BANP: variants seen among roughly 807,000 people sequenced by gnomAD.
BANP encodes the protein protein BANP.
BANP carries 11 observed loss-of-function variants against 68.1 expected under a neutral mutation model. That is an observed-to-expected ratio of 0.16 (90% confidence interval 0.10 to 0.27). The LOEUF is 0.27. BANP is among the 10% of genes least tolerant of loss of function. The pLI is 1.00. For synonymous variants in BANP, 329 were observed against 303.2 expected (o/e 1.09, Z -0.88); for missense variants, 504 against 722.7 (o/e 0.70, Z 3.47).
intron 1 of BANP, chr16:87,956,749 C>T (rs2058124938): frequency 6.6e-6 from 1 of 152,036 alleles, no homozygotes; most frequent in African/African-American, 2.4e-5. Flanking sequence ...GTGGGCTCGC[C>T]TGGGACTCCC....
rs113874398 is a variant in BANP, at chr16:87,962,860, G to A, written c.-69+11345G>A. 4.3e-3 allele frequency among the ~76,000 whole-genome samples: 649 copies of A among 152,182 alleles called. 5 individuals are homozygous for A. The highest frequency in any genetic ancestry group is 0.014 in the African/African-American group (585 of 41,506). On this transcript the variant is annotated intron_variant, in intron 1 of 13. Transcript: ENST00000682872. ...GTACGTTCCACTTCAGACTGATTTC[G>A]GGCAAAAGAAGTAGGCTGAGACTTC... is the stretch of plus-strand genomic sequence containing the variant.
chr16:87,988,752 C>T (rs908179312), intron 4 of BANP, among the ~76,000 whole-genome samples: 34 of 152,240 alleles, frequency 2.2e-4, no homozygotes, highest in Middle Eastern at 3.4e-3. Context: ...TGAGTTGTGA[C>T]GAGGCCCCCG....
At chr16:88,027,308 T>C (rs1367421844) in intron 7 of BANP, among the ~76,000 whole-genome samples, 175 bp from the exon 8 acceptor site, 1 of 152,174 alleles carries the variant, frequency 6.6e-6, no homozygotes, top group African/African-American at 2.4e-5. Context: ...GTGGGCCAGC[T>C]AAGCACCTTC....
chr16:88,027,126 G>T (rs549381341), intron 7 of BANP, among the ~76,000 whole-genome samples: 50 of 152,384 alleles, frequency 3.3e-4, no homozygotes, highest in African/African-American at 1.2e-3. Context: ...GTGCTGCTGT[G>T]AGCTCAGGGC....
chr16:88,040,934 G>A (rs1371840141), intron 11 of BANP, among the ~76,000 whole-genome samples: 2 of 152,220 alleles, frequency 1.3e-5, no homozygotes, highest in African/African-American at 4.8e-5. Context: ...TGTCATTTAG[G>A]AATGGTTATG....
chr16:88,069,721 C>T (rs376846309), intron 12 of BANP, among the ~76,000 whole-genome samples: 9 of 152,224 alleles, frequency 5.9e-5, no homozygotes, highest in African/African-American at 1.2e-4. Flanking sequence ...TGTCAATGCA[C>T]GCACTTCACA....
chr16:87,962,454 C>T (rs910686944), intron 1 of BANP, among the ~76,000 whole-genome samples: 1 of 152,038 alleles, frequency 6.6e-6, no homozygotes, highest in Non-Finnish European at 1.5e-5. Flanking sequence ...TGTACAGGTG[C>T]AAGCTCTTCA....
intron 11 of BANP, among the ~76,000 whole-genome samples, chr16:88,052,239 C>G (rs775607544): frequency 6.6e-6 from 1 of 152,164 alleles, no homozygotes; most frequent in South Asian, 2.1e-4. Flanking sequence ...CTGGCATATC[C>G]ACGTCATCCT....
chr16:88,048,076 G>GCCA (rs2082410769), intron 11 of BANP, among the ~76,000 whole-genome samples: 1 of 152,202 alleles, frequency 6.6e-6, no homozygotes, highest in Non-Finnish European at 1.5e-5. Flanking sequence ...TGACTTGTGT[G>GCCA]GCTTCCGCAG....
chr16:88,034,818 C>A (rs1013994655), intron 9 of BANP, among the ~76,000 whole-genome samples: 6 of 152,326 alleles, frequency 3.9e-5, no homozygotes, highest in East Asian at 3.9e-4. Flanking sequence ...AGCAGCCCCC[C>A]CTTACCCATG....
intron 1 of BANP, among the ~76,000 whole-genome samples, chr16:87,963,023 G>A (rs1046569459): frequency 6.6e-6 from 1 of 152,108 alleles, no homozygotes; most frequent in South Asian, 2.1e-4. Flanking sequence ...CAGTTTCCTC[G>A]TTTCGGGAGA....
rs140595438 is a variant in BANP at position 88,025,336 on chromosome 16, C to T, written c.896-2147C>T. The stretch of plus-strand genomic sequence containing the variant: ...GTTCCCCCATGACCACAGCCAGCGG[C>T]TGGGTTCCTCTGTGAGTCACTAAAG... On this transcript the variant is annotated intron_variant, in intron 7 of 13. Coordinates refer to ENST00000682872, the MANE Select transcript of BANP (RefSeq NM_001386991.1). 4.3e-3 allele frequency among the ~76,000 whole-genome samples: 662 copies of T among 152,360 alleles called. 5 individuals are homozygous for T. The highest frequency in any genetic ancestry group is 0.014 in the African/African-American group (598 of 41,584).
At chr16:87,996,339 G>A (rs1294866172) in intron 4 of BANP, among the ~76,000 whole-genome samples, 1 of 152,216 alleles carries the variant, frequency 6.6e-6, no homozygotes, top group African/African-American at 2.4e-5. Context: ...GAGGGTTCTC[G>A]GGTTCTGCTC....
intron 4 of BANP, among the ~76,000 whole-genome samples, chr16:87,984,852 G>C (rs2063996171): frequency 1.3e-5 from 2 of 152,204 alleles, no homozygotes; most frequent in African/African-American, 2.4e-5. Flanking sequence ...GCAGGCTCTG[G>C]TGTCGCTAGC....
At chr16:87,989,967 G>A (rs1298489602) in intron 4 of BANP, among the ~76,000 whole-genome samples, 16 of 151,976 alleles carry the variant, frequency 1.1e-4, no homozygotes, top group African/African-American at 3.6e-4. Flanking sequence ...GCAGGCCCGC[G>A]TGGCTGCGCG....
intron 4 of BANP, among the ~76,000 whole-genome samples, chr16:87,989,815 GAC>G: frequency 1.7e-5 from 2 of 118,158 alleles, no homozygotes; most frequent in African/African-American, 3.4e-5. Context: ...CAGGACACAG[GAC>G]ACAGGGCGGG....
At chr16:87,980,131 C>T (rs1268263379) in intron 2 of BANP, among the ~76,000 whole-genome samples, 1 of 152,176 alleles carries the variant, frequency 6.6e-6, no homozygotes, top group African/African-American at 2.4e-5. Context: ...ACAGTTCACA[C>T]TGTCATTTCA....
intron 6 of BANP, among the ~76,000 whole-genome samples, chr16:88,010,528 AC>A (rs2072747457): frequency 6.6e-6 from 1 of 152,328 alleles, no homozygotes; most frequent in African/African-American, 2.4e-5. Flanking sequence ...TGCAGCTGCT[AC>A]TGGCACGCCG....
Position 88,072,226 on chromosome 16 carries a change from C to G in BANP, c.1521+14C>G, listed in dbSNP as rs1176664251. The G allele has an allele frequency of 6.2e-7, 1 of 1,602,426 alleles. No homozygotes were observed. Among genetic ancestry groups the G allele is most frequent in the Non-Finnish European group, 8.5e-7 (1 of 1,175,776 alleles). On this transcript the variant is annotated intron_variant, in intron 13 of 13. Transcript: ENST00000682872. ...GCCGGGGCACAGGTGAGTCTGGGGC[C>G]CCGCGCCGGGACACTGAAGTGATGG...
Sources: gnomAD v4.1 joint callset for allele counts (sites outside exome capture counted in the v4.1 genomes callset) on GRCh38, gnomAD v4.1.1 for gene constraint, MANE v1.5 for transcripts, NCBI Gene and HGNC (gene_info 2026-07-23, HGNC 2026-07-21) for gene names.